ELF2: variants seen among roughly 807,000 people sequenced by gnomAD.
ELF2 encodes E74 like ETS transcription factor 2.
Under a neutral mutation model 54.8 loss-of-function variants are expected in ELF2, and 11 were observed. The ratio of observed to expected loss-of-function variants is 0.20; its 90% confidence interval spans 0.13 to 0.33. The LOEUF (loss-of-function observed/expected upper bound fraction) is 0.33. ELF2 is among the 10% of genes least tolerant of loss of function. The pLI is 1.00. For missense variants in ELF2, 513 were observed against 703.0 expected (o/e 0.73, Z 3.06); for synonymous variants, 203 against 245.1 (o/e 0.83, Z 1.61).
chr4:139,071,160 G>T lies in ELF2; in HGVS notation c.526+706C>A, dbSNP rs180715906. Among the ~76,000 whole-genome samples, 1,010 of 152,112 alleles carry T rather than the reference G, an allele frequency of 6.6e-3. 15 individuals carry two copies. Among genetic ancestry groups the T allele is most frequent in the African/African-American group, 0.023 (967 of 41,482 alleles). On this transcript the variant is annotated intron_variant, in intron 6 of 9. Transcript: ENST00000686138. The stretch of plus-strand genomic sequence containing the variant: ...TGCTCTTTACCCACTGGTGAGTTTA[G>T]GTCAATCAGAAGTCTCTATCAGCAA...
chr4:139,064,904 A>C (rs1043331240), intron 7 of ELF2, among the ~76,000 whole-genome samples: 2 of 152,072 alleles, frequency 1.3e-5, no homozygotes, highest in Non-Finnish European at 2.9e-5. Flanking sequence ...AAACAAAACA[A>C]AACAAAAAAA....
At chr4:139,169,343 A>G (rs1160407362) in intron 1 of ELF2, among the ~76,000 whole-genome samples, 4 of 122,894 alleles carry the variant, frequency 3.3e-5, no homozygotes, top group African/African-American at 7.6e-5. Context: ...GCGGGACTAC[A>G]TTTAAAAAAA....
In ELF2 at chr4:139,163,334, G is replaced by A. The variant is rs554324125; in HGVS notation, c.-252+13633C>T. Among the ~76,000 whole-genome samples, 3 of 152,072 alleles carry A rather than the reference G, an allele frequency of 2.0e-5. No individual in the cohort carries two copies. The East Asian group carries it at 5.8e-4, about 29-fold the overall frequency. ...ACTGTAAATTCAGAGGTTATTTAAG[G>A]TTATTTTGAAAAGTAATATTTAGGA... On this transcript the variant is annotated intron_variant, in intron 1 of 9. Transcript: ENST00000686138.
chr4:139,093,494 A>G (rs948887195), intron 4 of ELF2, among the ~76,000 whole-genome samples: 2 of 152,212 alleles, frequency 1.3e-5, no homozygotes, highest in African/African-American at 4.8e-5. Flanking sequence ...AAAAGCAGAT[A>G]AAGACAGGAA....
At chr4:139,076,287 G>C (rs964324926) in intron 4 of ELF2, among the ~76,000 whole-genome samples, 4 of 152,142 alleles carry the variant, frequency 2.6e-5, no homozygotes, top group Admixed American at 1.3e-4. Context: ...AGGTGACCCT[G>C]CTTACTCTTA....
intron 4 of ELF2, among the ~76,000 whole-genome samples, chr4:139,080,438 A>G (rs1382046165): frequency 6.6e-6 from 1 of 152,166 alleles, no homozygotes; most frequent in African/African-American, 2.4e-5. Flanking sequence ...AATTTATAGT[A>G]AATCAGAAAT....
intron 4 of ELF2, among the ~76,000 whole-genome samples, chr4:139,090,490 C>T (rs1234494157): frequency 6.6e-6 from 1 of 152,136 alleles, no homozygotes; most frequent in Non-Finnish European, 1.5e-5. Flanking sequence ...TGTCCTTGGC[C>T]ATTTTTCTAT....
intron 1 of ELF2, among the ~76,000 whole-genome samples, chr4:139,153,812 T>C (rs994472881): frequency 5.3e-5 from 8 of 152,270 alleles, no homozygotes; most frequent in Non-Finnish European, 8.8e-5. Context: ...GTTTACTTTA[T>C]CTTATGTAAA....
intron 6 of ELF2, 81 bp downstream of exon 6, chr4:139,071,785 A>G (rs1729544869): frequency 1.6e-6 from 2 of 1,287,288 alleles, no homozygotes; most frequent in Non-Finnish European, 2.1e-6. Flanking sequence ...AGCATATACT[A>G]CTTTCTATGT....
chr4:139,130,400 A>G (rs1737372861), intron 3 of ELF2, among the ~76,000 whole-genome samples: 1 of 152,214 alleles, frequency 6.6e-6, no homozygotes, highest in Non-Finnish European at 1.5e-5. Flanking sequence ...TACATTACTT[A>G]ACATAAATTG....
chr4:139,156,188 C>T (rs908795025), intron 1 of ELF2, among the ~76,000 whole-genome samples: 10 of 150,994 alleles, frequency 6.6e-5, no homozygotes, highest in African/African-American at 2.4e-4. Flanking sequence ...GCGGGGGAGT[C>T]GTCGGGGGAC....
intron 7 of ELF2, among the ~76,000 whole-genome samples, chr4:139,063,555 G>A (rs181947125): frequency 2.0e-5 from 3 of 152,172 alleles, no homozygotes; most frequent in Admixed American, 6.5e-5. Flanking sequence ...CTTATTCATC[G>A]CATACCATGC....
chr4:139,080,148 T>C (rs1333638100), intron 4 of ELF2, among the ~76,000 whole-genome samples: 1 of 152,214 alleles, frequency 6.6e-6, no homozygotes, highest in Non-Finnish European at 1.5e-5. Flanking sequence ...CAAATTTGTT[T>C]CTAAAATAGT....
intron 3 of ELF2, among the ~76,000 whole-genome samples, chr4:139,127,166 C>T (rs556209367): frequency 1.3e-5 from 2 of 152,346 alleles, no homozygotes; most frequent in African/African-American, 4.8e-5. Context: ...GCTAAGAACA[C>T]ATTTCACCCC....
intron 4 of ELF2, among the ~76,000 whole-genome samples, chr4:139,124,814 T>A (rs929191463): frequency 3.3e-5 from 5 of 151,608 alleles, no homozygotes; most frequent in Non-Finnish European, 4.4e-5. Flanking sequence ...TAGAATACCA[T>A]TTTTTTTAAT....
intron 4 of ELF2, among the ~76,000 whole-genome samples, chr4:139,073,981 A>G (rs1729904974): frequency 6.6e-6 from 1 of 152,134 alleles, no homozygotes; most frequent in African/African-American, 2.4e-5. Flanking sequence ...TAGAAAAATT[A>G]GCTGAGCGTG....
intron 4 of ELF2, among the ~76,000 whole-genome samples, chr4:139,095,448 G>A (rs927602386): frequency 4.6e-5 from 7 of 152,200 alleles, no homozygotes; most frequent in Middle Eastern, 3.4e-3. Flanking sequence ...GCCTCCCAAA[G>A]TGCTGGGATT....
chr4:139,106,014 T>A lies in ELF2; in HGVS notation c.238+19150A>T, dbSNP rs140778923. ...AGTCCTGGGGATGGGTCCAACAATCTGTATTTTAACAAGCCCTTCTGATAA... is the reference window on the plus strand; with the variant it reads ...AGTCCTGGGGATGGGTCCAACAATCAGTATTTTAACAAGCCCTTCTGATAA... On this transcript the variant is annotated intron_variant, in intron 4 of 9. Transcript: ENST00000686138. Among the ~76,000 whole-genome samples the A allele has an allele frequency of 3.9e-5, 6 of 152,328 alleles. No individual in the cohort carries two copies. In the East Asian group the frequency reaches 9.6e-4, roughly 24 times the overall value.
intron 8 of ELF2, among the ~76,000 whole-genome samples, chr4:139,061,168 A>G (rs1474590838): frequency 6.6e-6 from 1 of 150,680 alleles, no homozygotes; most frequent in Non-Finnish European, 1.5e-5. Flanking sequence ...TGGGTTTATC[A>G]AACTGATAAT....
Sources: allele counts gnomAD v4.1 joint callset (sites outside exome capture counted in the v4.1 genomes callset), GRCh38; gene constraint gnomAD v4.1.1; transcripts MANE v1.5; gene names NCBI Gene and HGNC (gene_info 2026-07-23, HGNC 2026-07-21).